Variants in CCNY observed in about 807,000 individuals in gnomAD.
CCNY encodes cyclin-Y.
Under a neutral mutation model 42.8 loss-of-function variants are expected in CCNY, and 19 were observed. That is an observed-to-expected ratio of 0.44 (90% CI 0.31 to 0.65). CCNY has a LOEUF of 0.65. CCNY is among the 30% of genes least tolerant of loss of function. The pLI, the probability that CCNY is intolerant of heterozygous loss-of-function variation, is 0.07. For missense variants in CCNY, 370 were observed against 437.3 expected (o/e 0.85, Z 1.37); for synonymous variants, 165 against 162.7 (o/e 1.01, Z -0.11).
chr10:35,529,517 A>G (rs1037639548), intron 5 of CCNY, among the ~76,000 whole-genome samples: 1 of 152,210 alleles, frequency 6.6e-6, no homozygotes, highest in African/African-American at 2.4e-5. Context: ...ATTGCACCCA[A>G]GAAAAATCAT....
intron 3 of CCNY, among the ~76,000 whole-genome samples, chr10:35,306,298 G>A (rs576201661): frequency 1.3e-5 from 2 of 152,302 alleles, no homozygotes; most frequent in African/African-American, 4.8e-5. Flanking sequence ...GCCTCCCAAA[G>A]TGCTGGGATT....
At chr10:35,482,801 T>TGTGTGTGTG (rs4007247) in intron 1 of CCNY, among the ~76,000 whole-genome samples, 2 of 141,026 alleles carry the variant, frequency 1.4e-5, no homozygotes, top group East Asian at 2.1e-4. Context: ...TGTGTGTGTG[T>TGTGTGTGTG]TATGTGTTTG....
chr10:35,392,295 T>C (rs1011564054), intron 1 of CCNY, among the ~76,000 whole-genome samples: 2 of 152,212 alleles, frequency 1.3e-5, no homozygotes, highest in East Asian at 3.9e-4. Flanking sequence ...GGAAAGAATG[T>C]CCTCCATGAA....
intron 1 of CCNY, among the ~76,000 whole-genome samples, chr10:35,338,241 A>C (rs2135115467): frequency 6.6e-6 from 1 of 152,286 alleles, no homozygotes; most frequent in Non-Finnish European, 1.5e-5. Flanking sequence ...GATTCTCTCC[A>C]CTGTGGAAAG....
At chr10:35,308,630 T>A (rs1835643821) in intron 3 of CCNY, among the ~76,000 whole-genome samples, 2 of 152,012 alleles carry the variant, frequency 1.3e-5, no homozygotes, top group South Asian at 2.1e-4. Flanking sequence ...AGGGACCCAA[T>A]GAAGCCAATA....
chr10:35,303,836 G>GGAAA (rs948650993), intron 3 of CCNY, among the ~76,000 whole-genome samples: 4 of 146,374 alleles, frequency 2.7e-5, no homozygotes, highest in African/African-American at 7.5e-5. Flanking sequence ...AAGGAAGGAA[G>GGAAA]GAAAGAAAGA....
intron 3 of CCNY, among the ~76,000 whole-genome samples, chr10:35,314,369 C>A (rs970621868): frequency 8.5e-5 from 13 of 152,084 alleles, no homozygotes; most frequent in Admixed American, 7.9e-4. Context: ...AAGGGGAAAC[C>A]CCTTATCAAA....
At chr10:35,420,105 T>C (rs1838129073) in intron 1 of CCNY, among the ~76,000 whole-genome samples, 2 of 152,174 alleles carry the variant, frequency 1.3e-5, no homozygotes, top group Non-Finnish European at 2.9e-5. Context: ...CCTGTGACTA[T>C]CTTTTACAGA....
intron 1 of CCNY, among the ~76,000 whole-genome samples, chr10:35,380,956 G>A (rs1455791103): frequency 2.0e-5 from 3 of 152,114 alleles, no homozygotes; most frequent in Non-Finnish European, 2.9e-5. Context: ...TGGGCTTGAA[G>A]CGTCCGAGTA....
intron 8 of CCNY, among the ~76,000 whole-genome samples, chr10:35,555,228 CT>C (rs1841340582): frequency 6.6e-6 from 1 of 152,148 alleles, no homozygotes; most frequent in African/African-American, 2.4e-5. Flanking sequence ...TTAAGAAAGG[CT>C]CATCTTTCTT....
At position 35,434,015 on chromosome 10, in the gene CCNY, A is replaced by G. The variant is rs566906448; in HGVS notation, c.155-49389A>G. ...TTAAGTGCTACAAATCTCATCAGTC[A>G]TATTTACACACTTGTGAGTGACAGG... On this transcript the variant is annotated intron_variant, in intron 1 of 9. Coordinates refer to ENST00000374704, the MANE Select transcript of CCNY (RefSeq NM_145012.6). 13 of 152,340 alleles carry G rather than the reference A, an allele frequency of 8.5e-5. No homozygotes were observed. The South Asian group carries it at 2.1e-3, about 24-fold the overall frequency. The allele number at this position is 152,340 out of a possible 1,614,324, so 9.4% of individuals were successfully genotyped here.
intron 9 of CCNY, 105 bp downstream of exon 9, chr10:35,566,290 G>A: frequency 8.7e-7 from 1 of 1,151,744 alleles, no homozygotes; most frequent in Non-Finnish European, 1.2e-6. Flanking sequence ...ACTACATGAT[G>A]TAAAATAAAG....
At chr10:35,533,041 T>A (rs1324595253) in intron 7 of CCNY, among the ~76,000 whole-genome samples, 3 of 152,216 alleles carry the variant, frequency 2.0e-5, no homozygotes, top group African/African-American at 7.2e-5. Context: ...TCTCTCACCT[T>A]TGCGCACTGC....
chr10:35,336,908 G>A lies in CCNY; in HGVS notation c.-146G>A. On this transcript the variant is annotated 5_prime_UTR_variant, in exon 1 of 10. Coordinates refer to ENST00000374704, the MANE Select transcript of CCNY (RefSeq NM_145012.6). Reference sequence around the variant, plus strand: ...CGCCGCCGCCGCTGCTGACCCGGCGGCCGGCCGCCGTTCCGCCCCCTCCCG... The same window carrying A: ...CGCCGCCGCCGCTGCTGACCCGGCGACCGGCCGCCGTTCCGCCCCCTCCCG... 5.2e-6 allele frequency: 1 copy of A among 193,692 alleles called. No homozygotes were observed. The highest frequency in any genetic ancestry group is 5.7e-6 in the Non-Finnish European group (1 of 174,896). 12.0% of individuals were successfully genotyped at this position (193,692 alleles called of 1,614,324 possible).
At chr10:35,386,063 C>A (rs565322896) in intron 1 of CCNY, among the ~76,000 whole-genome samples, 3 of 152,136 alleles carry the variant, frequency 2.0e-5, no homozygotes, top group Non-Finnish European at 4.4e-5. Context: ...GAATAGCGTG[C>A]GCTTTTGGAC....
At chr10:35,290,222 T>TCACACACACACACACACACACACACA (rs368209050) in intron 3 of CCNY, among the ~76,000 whole-genome samples, 3 of 122,962 alleles carry the variant, frequency 2.4e-5, no homozygotes, top group Admixed American at 8.6e-5. Context: ...CAAGACTCCA[T>TCACACACACACACACACACACACACA]CACACACACA....
At chr10:35,328,462 G>A (rs566777684) in intron 3 of CCNY, among the ~76,000 whole-genome samples, 3 of 152,250 alleles carry the variant, frequency 2.0e-5, no homozygotes, top group Admixed American at 6.5e-5. Flanking sequence ...TCATTAAAAC[G>A]TAGCATCATA....
intron 1 of CCNY, among the ~76,000 whole-genome samples, chr10:35,443,675 A>G (rs893866735): frequency 5.3e-5 from 8 of 152,246 alleles, no homozygotes; most frequent in African/African-American, 1.9e-4. Context: ...AATATCTGCT[A>G]GCCGTAATAA....
intron 2 of CCNY, among the ~76,000 whole-genome samples, chr10:35,492,746 C>G (rs1275015549): frequency 1.3e-5 from 2 of 152,250 alleles, no homozygotes; most frequent in African/African-American, 4.8e-5. Context: ...GGCAGACTTG[C>G]CGTGGCACGG....
Sources: allele counts gnomAD v4.1 joint callset (sites outside exome capture counted in the v4.1 genomes callset), GRCh38; gene constraint gnomAD v4.1.1; transcripts MANE v1.5; gene names NCBI Gene and HGNC (gene_info 2026-07-23, HGNC 2026-07-21).